Variants in GPR157 observed in about 807,000 individuals in gnomAD.
GPR157 encodes the protein G-protein coupled receptor 157.
Under a neutral mutation model 23.5 loss-of-function variants are expected in GPR157, and 16 were observed. The observed-to-expected ratio is 0.68, with a 90% CI of 0.46 to 1.04. GPR157 has a LOEUF of 1.04. GPR157 is among the 50% of genes least tolerant of loss of function. The pLI is 0.00. For synonymous variants in GPR157, 200 were observed against 221.5 expected (o/e 0.90, Z 0.86); for missense variants, 440 against 460.7 (o/e 0.96, Z 0.41).
Position 9,104,572 on chromosome 1 carries a change from G to T in GPR157, c.855C>A (p.Ala285=). 6.2e-7 allele frequency: 1 copy of T among 1,613,812 alleles called. No individual in the cohort carries two copies. The highest frequency in any genetic ancestry group is 8.5e-7 in the Non-Finnish European group (1 of 1,179,890). ...NCIMFVLCTR[A]VRTRLFSLCC... ...AGAGAGAGAAGAGCCGAGTTCGGAC[G>T]GCGCGGGTGCAGAGGACGAACATGA... Residue 285 remains alanine, a synonymous_variant, in exon 4 of 4, where the codon GCC becomes GCA. Transcript: ENST00000377411.
At chr1:9,111,796 C>G (rs1453177967) in intron 1 of GPR157, among the ~76,000 whole-genome samples, 3 of 152,088 alleles carry the variant, frequency 2.0e-5, no homozygotes, top group Non-Finnish European at 2.9e-5. Context: ...ATGGTGAAAC[C>G]CTGTCTCTAC....
At chr1:9,121,164 C>A (rs535082675) in intron 1 of GPR157, among the ~76,000 whole-genome samples, 8 of 152,082 alleles carry the variant, frequency 5.3e-5, no homozygotes, top group Admixed American at 3.9e-4. Flanking sequence ...AAAATCCCGT[C>A]TTTACTAAAA....
rs777422918 is a variant in GPR157, at chr1:9,128,613, G to A, written c.383+32C>T. 6 of 1,603,268 alleles carry A rather than the reference G, an allele frequency of 3.7e-6. No homozygotes were observed. The African/African-American group carries it at 6.7e-5, about 18-fold the overall frequency. On this transcript the variant is annotated intron_variant, in intron 1 of 3. Coordinates refer to ENST00000377411, the MANE Select transcript of GPR157 (RefSeq NM_024980.5). The surrounding 1 kb of genome is among the most constrained non-coding windows in gnomAD (Gnocchi z 6.3). Reference sequence around the variant, plus strand: ...CGGGAGGGGTCGGCCTGTGTCGGGGGCTCCTGGAAAAGCAGCGCCACCGCC... The same window carrying A: ...CGGGAGGGGTCGGCCTGTGTCGGGGACTCCTGGAAAAGCAGCGCCACCGCC...
At chr1:9,114,000 C>T (rs570658276) in intron 1 of GPR157, among the ~76,000 whole-genome samples, 5 of 140,838 alleles carry the variant, frequency 3.6e-5, no homozygotes, top group Admixed American at 2.2e-4. Flanking sequence ...CACACACACA[C>T]CACCCATAAA....
intron 1 of GPR157, among the ~76,000 whole-genome samples, chr1:9,112,434 C>T (rs906014662): frequency 1.1e-4 from 17 of 152,148 alleles, no homozygotes; most frequent in African/African-American, 3.6e-4. Flanking sequence ...GGTAGGGGCC[C>T]CTCTAAGGGC....
At chr1:9,111,088 C>G in intron 2 of GPR157, 188 bp downstream of exon 2, 1 of 647,950 alleles carries the variant, frequency 1.5e-6, no homozygotes, top group Non-Finnish European at 2.8e-6. Context: ...AACCAATGCA[C>G]GATCCGTGTA....
Position 9,128,640 on chromosome 1 carries a change from C to T in GPR157, c.383+5G>A. On this transcript the variant is annotated splice_donor_5th_base_variant and intron_variant, in intron 1 of 3. Transcript: ENST00000377411. This position sits in a 1 kb window ranked among gnomAD's most constrained non-coding sequence, Gnocchi z 6.3. ...TCCTGGAAAAGCAGCGCCACCGCCA[C>T]CCACCTGACGACATGGAAGGCCCAA... The T allele has an allele frequency of 6.2e-7, 1 of 1,612,444 alleles. No homozygotes were observed. The highest frequency in any genetic ancestry group is 1.3e-5 in the African/African-American group (1 of 75,048).
At chr1:9,126,372 T>C (rs1384616158) in intron 1 of GPR157, among the ~76,000 whole-genome samples, 1 of 152,244 alleles carries the variant, frequency 6.6e-6, no homozygotes, top group Non-Finnish European at 1.5e-5. Flanking sequence ...CTGCTGTTAC[T>C]ATTTTGCTTG....
At position 9,128,290 on chromosome 1, in the gene GPR157, T is replaced by TC; in HGVS notation, c.383+354dup. On this transcript the variant is annotated intron_variant, in intron 1 of 3. Coordinates refer to ENST00000377411, the MANE Select transcript of GPR157 (RefSeq NM_024980.5). The surrounding 1 kb of genome is among the most constrained non-coding windows in gnomAD (Gnocchi z 6.3). ...TACCTAACTCGTCTCCCAGCCTGTT[T>TC]CCCCATGGGCAGCAGAGACAGCCAG... 1.8e-6 allele frequency: 1 copy of TC among 542,524 alleles called. No individual in the cohort carries two copies. Among genetic ancestry groups the TC allele is most frequent in the South Asian group, 1.5e-5 (1 of 65,360 alleles). The allele number at this position is 542,524 out of a possible 1,614,324, so 33.6% of individuals were successfully genotyped here. A position where few individuals can be genotyped will look rare whatever the true frequency, so the allele number is the denominator to read the frequency against.
At chr1:9,125,734 T>C (rs779481987) in intron 1 of GPR157, among the ~76,000 whole-genome samples, 2 of 152,198 alleles carry the variant, frequency 1.3e-5, no homozygotes, top group Non-Finnish European at 2.9e-5. Context: ...CCCCCACTGT[T>C]GGACCTTGAG....
intron 1 of GPR157, among the ~76,000 whole-genome samples, chr1:9,123,394 A>AATTAAAT (rs1638869987): frequency 3.7e-5 from 1 of 26,888 alleles, no homozygotes; most frequent in African/African-American, 1.1e-4. Context: ...ATTTAATTTA[A>AATTAAAT]ATATATATTT....
Position 9,122,994 on chromosome 1 carries a change from T to C in GPR157, c.383+5651A>G, listed in dbSNP as rs956946099. Among the ~76,000 whole-genome samples, 33 of 151,104 alleles carry C rather than the reference T, an allele frequency of 2.2e-4. 1 individual carries two copies. The highest frequency in any genetic ancestry group is 2.9e-5 in the Non-Finnish European group (2 of 67,866). On this transcript the variant is annotated intron_variant, in intron 1 of 3. Transcript: ENST00000377411. ...CAACACGGTGAAACCCCATCTCTAC[T>C]AAAAATACCAAATTAGCCAGGCATG...
In GPR157 at chr1:9,118,231, C is replaced by A. The variant is rs556325495; in HGVS notation, c.384-6742G>T. 2.0e-5 allele frequency among the ~76,000 whole-genome samples: 3 copies of A among 152,198 alleles called. No homozygotes were observed. In the South Asian group the frequency reaches 6.2e-4, roughly 32 times the overall value. On this transcript the variant is annotated intron_variant, in intron 1 of 3. Coordinates refer to ENST00000377411, the MANE Select transcript of GPR157 (RefSeq NM_024980.5). The surrounding 1 kb of genome is among the most constrained non-coding windows in gnomAD (Gnocchi z 4.6). ...GCCGGAGGAATGGGCGGGGTCCTGC[C>A]CAGTCCTAAATCTGGGGGCTGAATA...
At chr1:9,123,628 T>A (rs28773897) in intron 1 of GPR157, among the ~76,000 whole-genome samples, 5,933 of 110,372 alleles carry the variant, frequency 0.054, 274 homozygotes, top group African/African-American at 0.077. Flanking sequence ...TTAAATATAT[T>A]TTAAATATAC....
At position 9,123,192 on chromosome 1, in the gene GPR157, T is replaced by A. The variant is rs866979639; in HGVS notation, c.383+5453A>T. ...AAAAAAAAATATATATATATATATA[T>A]AAATAAAATTTATATATATATTTAT... On this transcript the variant is annotated intron_variant, in intron 1 of 3. Coordinates refer to ENST00000377411, the MANE Select transcript of GPR157 (RefSeq NM_024980.5). 2.4e-4 allele frequency among the ~76,000 whole-genome samples: 30 copies of A among 127,194 alleles called. 1 individual carries two copies. Among genetic ancestry groups the A allele is most frequent in the African/African-American group, 6.1e-4 (20 of 32,704 alleles). 83.4% of individuals were successfully genotyped at this position (127,194 alleles called of 152,430 possible).
At chr1:9,125,934 GT>G (rs1319227176) in intron 1 of GPR157, among the ~76,000 whole-genome samples, 3 of 150,770 alleles carry the variant, frequency 2.0e-5, no homozygotes, top group Non-Finnish European at 2.9e-5. Context: ...AAAAATGCCA[GT>G]GAAACTCGCA....
intron 1 of GPR157, among the ~76,000 whole-genome samples, chr1:9,126,098 G>A: frequency 6.6e-6 from 1 of 151,760 alleles, no homozygotes; most frequent in East Asian, 1.9e-4. Flanking sequence ...CTGAGTAGTT[G>A]GGACACGCAC....
intron 1 of GPR157, among the ~76,000 whole-genome samples, chr1:9,113,209 C>T (rs1638552284): frequency 6.6e-6 from 1 of 152,100 alleles, no homozygotes; most frequent in African/African-American, 2.4e-5. Context: ...CTGCGTGGGG[C>T]CCGTCTGGTT....
intron 1 of GPR157, among the ~76,000 whole-genome samples, chr1:9,121,609 C>T (rs897104876): frequency 1.3e-5 from 2 of 152,224 alleles, no homozygotes; most frequent in Non-Finnish European, 2.9e-5. Flanking sequence ...CACTTCACTC[C>T]AGCCTGGGTG....
Sources: allele counts gnomAD v4.1 joint callset (sites outside exome capture counted in the v4.1 genomes callset), GRCh38; gene constraint gnomAD v4.1.1; non-coding constraint Gnocchi (gnomAD v3.1); transcripts MANE v1.5; gene names NCBI Gene and HGNC (gene_info 2026-07-23, HGNC 2026-07-21).